GRM5: variants seen among roughly 807,000 people sequenced by gnomAD.
The protein encoded by GRM5 is glutamate metabotropic receptor 5.
GRM5 carries 19 observed loss-of-function variants against 83.1 expected under a neutral mutation model. The ratio of observed to expected loss-of-function variants is 0.23; its 90% confidence interval spans 0.16 to 0.34. The LOEUF (loss-of-function observed/expected upper bound fraction) is 0.34, where lower values mean the gene tolerates loss of function less well. Ranked by LOEUF, GRM5 falls within the 10% of genes least tolerant of loss-of-function variation. The pLI, the probability that GRM5 is intolerant of heterozygous loss-of-function variation, is 1.00. For missense variants in GRM5, 1,160 were observed against 1,588.3 expected (o/e 0.73, Z 4.58); for synonymous variants, 675 against 633.6 (o/e 1.07, Z -0.98).
chr11:88,724,970 G>C (rs927283213), intron 3 of GRM5, among the ~76,000 whole-genome samples: 5 of 152,108 alleles, frequency 3.3e-5, no homozygotes, highest in African/African-American at 1.2e-4. Context: ...CACAAAACTG[G>C]GTGGCCATTT....
chr11:88,849,830 A>C (rs566679131), intron 3 of GRM5, 76 bp downstream of exon 3: 1 of 1,357,098 alleles, frequency 7.4e-7, no homozygotes, highest in Non-Finnish European at 1.0e-6. Context: ...ATTTTTTATC[A>C]TACACTAAAA....
intron 5 of GRM5, among the ~76,000 whole-genome samples, chr11:88,597,592 T>G (rs796551174): frequency 6.6e-6 from 1 of 152,082 alleles, no homozygotes; most frequent in East Asian, 1.9e-4. Flanking sequence ...AGAAGGTGAC[T>G]TGACCCCAGC....
At chr11:88,566,691 C>A (rs1486004226) in intron 8 of GRM5, among the ~76,000 whole-genome samples, 1 of 152,136 alleles carries the variant, frequency 6.6e-6, no homozygotes, top group African/African-American at 2.4e-5. Context: ...TATTTTTACT[C>A]TGTTCTGGTG....
chr11:88,933,941 T>C (rs944744397), intron 2 of GRM5, among the ~76,000 whole-genome samples: 34 of 151,696 alleles, frequency 2.2e-4, no homozygotes, highest in African/African-American at 8.0e-4. Context: ...CTATTAAAAT[T>C]AAAACTTACC....
intron 3 of GRM5, among the ~76,000 whole-genome samples, chr11:88,784,832 G>A (rs1487990039): frequency 6.6e-6 from 1 of 152,006 alleles, no homozygotes; most frequent in Admixed American, 6.6e-5. Context: ...CTTTGGGAAT[G>A]TTAATCTCTG....
chr11:89,004,905 A>G (rs1341313359), intron 2 of GRM5, among the ~76,000 whole-genome samples: 1 of 152,222 alleles, frequency 6.6e-6, no homozygotes, highest in Non-Finnish European at 1.5e-5. Context: ...CTTCAAACAG[A>G]GCTCTTCTTC....
intron 2 of GRM5, among the ~76,000 whole-genome samples, chr11:89,043,886 C>T (rs115414541): frequency 0.03 from 4,566 of 152,202 alleles, 221 homozygotes; most frequent in African/African-American, 0.1. Flanking sequence ...CACAGGGTGA[C>T]AATAGGGTTC....
At chr11:89,038,527 G>A (rs950562677) in intron 2 of GRM5, among the ~76,000 whole-genome samples, 2 of 152,190 alleles carry the variant, frequency 1.3e-5, no homozygotes, top group Non-Finnish European at 2.9e-5. Context: ...ACCAAGCACA[G>A]TCTGTGCTTT....
At chr11:88,722,423 T>A (rs1283031726) in intron 3 of GRM5, among the ~76,000 whole-genome samples, 7 of 152,074 alleles carry the variant, frequency 4.6e-5, no homozygotes, top group Non-Finnish European at 7.4e-5. Flanking sequence ...CTTCTCCAAG[T>A]GTTGAGCAGA....
At chr11:89,061,304 T>C (rs534356213) in intron 1 of GRM5, among the ~76,000 whole-genome samples, 1 of 152,156 alleles carries the variant, frequency 6.6e-6, no homozygotes, top group Non-Finnish European at 1.5e-5. Flanking sequence ...AAATACAATA[T>C]TTTTAATGAT....
In GRM5 at chr11:88,980,916, G is replaced by A. The variant is rs1182916998; in HGVS notation, c.661+66296C>T. Among the ~76,000 whole-genome samples the A allele has an allele frequency of 4.6e-5, 7 of 152,080 alleles. No individual in the cohort carries two copies. The East Asian group carries it at 1.4e-3, about 29-fold the overall frequency. On this transcript the variant is annotated intron_variant, in intron 2 of 9. Transcript: ENST00000305447. ...ACCAATTGTTTGGACAAATGGTGATGTAAAATATCATTAAGGAAAACTGAG... is the reference window on the plus strand; with the variant it reads ...ACCAATTGTTTGGACAAATGGTGATATAAAATATCATTAAGGAAAACTGAG...
chr11:88,928,404 A>G (rs563113642), intron 2 of GRM5, among the ~76,000 whole-genome samples: 7 of 151,924 alleles, frequency 4.6e-5, no homozygotes, highest in African/African-American at 1.2e-4. Context: ...CTGTGAATCC[A>G]TAAGTGTACC....
intron 2 of GRM5, among the ~76,000 whole-genome samples, chr11:88,915,200 A>AGAG (rs1436668083): frequency 1.3e-5 from 2 of 152,076 alleles, no homozygotes; most frequent in Non-Finnish European, 2.9e-5. Flanking sequence ...AGGAGGACAG[A>AGAG]GAGGAGGAGG....
intron 2 of GRM5, among the ~76,000 whole-genome samples, chr11:89,026,984 C>T (rs1323129569): frequency 1.3e-5 from 2 of 152,190 alleles, no homozygotes; most frequent in Non-Finnish European, 2.9e-5. Flanking sequence ...TTCATCCCAT[C>T]TTCTCAAGAG....
chr11:88,587,955 T>C (rs1030339450), intron 7 of GRM5, among the ~76,000 whole-genome samples: 2 of 152,186 alleles, frequency 1.3e-5, no homozygotes, highest in Non-Finnish European at 2.9e-5. Context: ...TCTTGTTAGT[T>C]TGTGTTTTGT....
intron 2 of GRM5, among the ~76,000 whole-genome samples, chr11:89,033,469 A>G (rs1343638015): frequency 6.6e-6 from 1 of 151,992 alleles, no homozygotes; most frequent in African/African-American, 2.4e-5. Flanking sequence ...ATTGTGTACA[A>G]TCTACAAAAC....
chr11:88,645,198 A>C (rs992261), intron 4 of GRM5, among the ~76,000 whole-genome samples: 104,401 of 151,940 alleles, frequency 0.69, 41,684 homozygotes, highest in Non-Finnish European at 0.9. Flanking sequence ...TGGTTGTGTG[A>C]GTAGTTCCTT....
intron 2 of GRM5, among the ~76,000 whole-genome samples, chr11:88,958,993 G>A (rs1309810721): frequency 3.9e-5 from 6 of 152,074 alleles, no homozygotes; most frequent in Admixed American, 2.0e-4. Context: ...TATAGCTATC[G>A]CATTTAAAAT....
At chr11:89,001,369 A>G (rs1370126535) in intron 2 of GRM5, among the ~76,000 whole-genome samples, 1 of 152,170 alleles carries the variant, frequency 6.6e-6, no homozygotes, top group African/African-American at 2.4e-5. Flanking sequence ...TGGTATATCC[A>G]TATCAGGGGA....
Sources: gnomAD v4.1 joint callset for allele counts (sites outside exome capture counted in the v4.1 genomes callset) on GRCh38, gnomAD v4.1.1 for gene constraint, MANE v1.5 for transcripts, NCBI Gene and HGNC (gene_info 2026-07-23, HGNC 2026-07-21) for gene names.